Variants in ESR1 observed in about 807,000 individuals in gnomAD.
The protein encoded by ESR1 is estrogen receptor.
A neutral mutation model predicts 52.7 loss-of-function variants in ESR1; 12 were observed. The observed-to-expected ratio is 0.23, with a 90% CI of 0.15 to 0.37. The LOEUF (loss-of-function observed/expected upper bound fraction) is 0.37. Ranked by LOEUF, ESR1 falls within the 10% of genes least tolerant of loss-of-function variation. ESR1 has a pLI of 1.00. For missense variants in ESR1, 584 were observed against 779.7 expected (o/e 0.75, Z 2.99); for synonymous variants, 305 against 316.8 (o/e 0.96, Z 0.39).
intron 6 of ESR1, among the ~76,000 whole-genome samples, chr6:152,118,668 G>T (rs2051239127): frequency 6.6e-6 from 1 of 151,888 alleles, no homozygotes; most frequent in African/African-American, 2.4e-5. Context: ...ATGCATGCAG[G>T]GCTTAAAACC....
intron 2 of ESR1, among the ~76,000 whole-genome samples, chr6:151,723,737 A>T (rs7749650): frequency 0.32 from 48,421 of 151,404 alleles, 8,319 homozygotes; most frequent in African/African-American, 0.45. Context: ...GGCGTGGTGG[A>T]GCATTCCTGT....
At chr6:151,985,962 C>T (rs986438276) in intron 4 of ESR1, among the ~76,000 whole-genome samples, 50 of 152,158 alleles carry the variant, frequency 3.3e-4, no homozygotes, top group African/African-American at 1.2e-3. Flanking sequence ...AGCCACCGTG[C>T]CTGCCCCAAT....
intron 6 of ESR1, among the ~76,000 whole-genome samples, chr6:152,086,534 A>G (rs1562771556): frequency 1.3e-5 from 2 of 151,166 alleles, no homozygotes; most frequent in East Asian, 3.9e-4. Flanking sequence ...CACATGTAAG[A>G]TTTTTTTCTC....
chr6:151,946,263 C>G (rs900619848), intron 4 of ESR1, among the ~76,000 whole-genome samples: 3 of 152,072 alleles, frequency 2.0e-5, no homozygotes, highest in Non-Finnish European at 4.4e-5. Flanking sequence ...ATATATTTTC[C>G]CTTATGAAAT....
At chr6:151,688,216 T>C (rs1055744124), upstream of ESR1, among the ~76,000 whole-genome samples, 1 of 152,228 alleles carries the variant, frequency 6.6e-6, no homozygotes, top group Non-Finnish European at 1.5e-5. Context: ...CTTTCTGGAT[T>C]GATTTGATGG....
At chr6:151,992,019 G>A (rs1562642151) in intron 4 of ESR1, among the ~76,000 whole-genome samples, 2 of 152,036 alleles carry the variant, frequency 1.3e-5, no homozygotes, top group Non-Finnish European at 2.9e-5. Flanking sequence ...CTCTGGTGTC[G>A]GGGAAGGCTT....
upstream of ESR1, among the ~76,000 whole-genome samples, chr6:151,799,580 T>A (rs1192529916): frequency 1.3e-5 from 2 of 152,346 alleles, no homozygotes; most frequent in Middle Eastern, 6.8e-3. Context: ...CACATTGGAC[T>A]AGTGTCTTTG....
intron 2 of ESR1, among the ~76,000 whole-genome samples, chr6:151,784,545 T>C (rs917894715): frequency 1.3e-5 from 2 of 152,142 alleles, no homozygotes; most frequent in African/African-American, 4.8e-5. Flanking sequence ...TAAAAATTAG[T>C]GTTTGTATTT....
At chr6:151,812,705 A>T (rs572735207) in intron 1 of ESR1, among the ~76,000 whole-genome samples, 22 of 152,260 alleles carry the variant, frequency 1.4e-4, no homozygotes, top group African/African-American at 4.6e-4. Context: ...GACAACTTTG[A>T]ATGGAGAGGA....
At chr6:152,012,418 A>G (rs1191816015) in intron 5 of ESR1, among the ~76,000 whole-genome samples, 1 of 151,846 alleles carries the variant, frequency 6.6e-6, no homozygotes, top group Non-Finnish European at 1.5e-5. Flanking sequence ...TGCCACTGAT[A>G]GAGTCTCCAC....
chr6:151,731,372 A>G (rs78539179), intron 2 of ESR1, among the ~76,000 whole-genome samples: 1 of 151,536 alleles, frequency 6.6e-6, no homozygotes, highest in Non-Finnish European at 1.5e-5. Flanking sequence ...AAAAAAAAAA[A>G]GAAATGTGGG....
chr6:151,950,305 G>A (rs540193059), intron 4 of ESR1, among the ~76,000 whole-genome samples: 100 of 152,258 alleles, frequency 6.6e-4, no homozygotes, highest in Non-Finnish European at 1.2e-3. Context: ...GACTTGTGGT[G>A]TCCCCAGGGC....
At chr6:151,745,318 T>C (rs746698303) in intron 2 of ESR1, among the ~76,000 whole-genome samples, 8 of 152,166 alleles carry the variant, frequency 5.3e-5, no homozygotes, top group Non-Finnish European at 1.0e-4. Context: ...TGGATATATA[T>C]GCATGGTATG....
intron 2 of ESR1, among the ~76,000 whole-genome samples, chr6:151,727,283 C>G (rs1002166338): frequency 6.6e-6 from 1 of 151,756 alleles, no homozygotes; most frequent in East Asian, 1.9e-4. Context: ...TTCACTGTAA[C>G]CTTCACCTCC....
intron 6 of ESR1, among the ~76,000 whole-genome samples, chr6:152,077,373 TG>T (rs2048826403): frequency 6.6e-6 from 1 of 151,998 alleles, no homozygotes; most frequent in African/African-American, 2.4e-5. Flanking sequence ...GCTGCAGAGG[TG>T]GGGCCCTCAT....
At chr6:152,051,459 A>G (rs1035435056) in intron 5 of ESR1, among the ~76,000 whole-genome samples, 15 of 152,356 alleles carry the variant, frequency 9.8e-5, no homozygotes, top group African/African-American at 3.6e-4. Context: ...TGACTTCTTT[A>G]GACATCAACA....
At chr6:151,857,633 A>G (rs1788104272) in intron 2 of ESR1, among the ~76,000 whole-genome samples, 1 of 151,956 alleles carries the variant, frequency 6.6e-6, no homozygotes, top group African/African-American at 2.4e-5. Context: ...GGTTCAAGTG[A>G]TTCTCCTGCT....
chr6:151,732,184 T>C (rs1239351512), intron 2 of ESR1, among the ~76,000 whole-genome samples: 1 of 152,236 alleles, frequency 6.6e-6, no homozygotes, highest in Non-Finnish European at 1.5e-5. Context: ...GAGAACATTT[T>C]TATTTCAATT....
In ESR1 at chr6:151,727,444, T is replaced by G. The variant is rs978426381; in HGVS notation, c.-71+25439T>G. 3.9e-5 allele frequency among the ~76,000 whole-genome samples: 6 copies of G among 152,126 alleles called. No homozygotes were observed. In the East Asian group the frequency reaches 1.2e-3, roughly 29 times the overall value. ...CTTGAACTCCTGACGTCAAGTGATC[T>G]GCCTGTCTCGGCCTCCCAAAGTGCT... On this transcript the variant is annotated intron_variant, in intron 2 of 2. Coordinates refer to the ESR1 transcript ENST00000404742.
Sources: allele counts gnomAD v4.1 joint callset (sites outside exome capture counted in the v4.1 genomes callset), GRCh38; gene constraint gnomAD v4.1.1; transcripts MANE v1.5; gene names NCBI Gene and HGNC (gene_info 2026-07-23, HGNC 2026-07-21).